ME1: variants seen among roughly 807,000 people sequenced by gnomAD.
ME1 encodes the protein malic enzyme 1, also known as NADP-dependent malic enzyme.
ME1 carries 74 observed loss-of-function variants against 66.4 expected under a neutral mutation model. The ratio of observed to expected loss-of-function variants is 1.11; its 90% confidence interval spans 0.92 to 1.35. The LOEUF (loss-of-function observed/expected upper bound fraction) is 1.35. Among genes scored for constraint, ME1 ranks in the 40% most tolerant of loss-of-function variants. The probability of loss-of-function intolerance (pLI) is 0.00; values close to 1 mark genes in which losing one functional copy is unlikely to be tolerated. For missense variants in ME1, 750 were observed against 694.1 expected (o/e 1.08, Z -0.90); for synonymous variants, 251 against 235.6 (o/e 1.07, Z -0.60).
intron 5 of ME1, among the ~76,000 whole-genome samples, chr6:83,317,934 G>A (rs1365519778): frequency 1.3e-5 from 2 of 151,978 alleles, no homozygotes; most frequent in African/African-American, 2.4e-5. Flanking sequence ...AAACAGCATG[G>A]TACTGGTACC....
chr6:83,363,575 GA>G (rs1051963086), intron 3 of ME1, among the ~76,000 whole-genome samples: 2 of 152,112 alleles, frequency 1.3e-5, no homozygotes, highest in Admixed American at 6.5e-5. Flanking sequence ...ACTCCACCAG[GA>G]AAAAAACTAC....
chr6:83,275,464 C>CTTT (rs767009219), intron 6 of ME1, among the ~76,000 whole-genome samples: 50 of 119,702 alleles, frequency 4.2e-4, no homozygotes, highest in Non-Finnish European at 5.4e-4. Flanking sequence ...TAGTTTTGAT[C>CTTT]TTTTTTTTTT....
At chr6:83,254,601 A>G (rs1389226940) in intron 6 of ME1, among the ~76,000 whole-genome samples, 1 of 152,166 alleles carries the variant, frequency 6.6e-6, no homozygotes, top group Non-Finnish European at 1.5e-5. Flanking sequence ...TCAATGGTAG[A>G]GAGAACATTA....
Position 83,236,989 on chromosome 6 carries a change from C to A in ME1, c.1026+728G>T, listed in dbSNP as rs1174463548. On this transcript the variant is annotated intron_variant, in intron 9 of 13. Transcript: ENST00000369705. ...CTGAGGCAGGAGGATCACTTGAGCT[C>A]AGGAGTTTGAGACCAGCTTGGGAAA... Among the ~76,000 whole-genome samples the A allele has an allele frequency of 2.0e-5, 3 of 151,138 alleles. No individual in the cohort carries two copies. The South Asian group carries it at 6.3e-4, about 32-fold the overall frequency.
intron 3 of ME1, among the ~76,000 whole-genome samples, chr6:83,395,861 A>G (rs1361590707): frequency 6.6e-6 from 1 of 152,112 alleles, no homozygotes; most frequent in Non-Finnish European, 1.5e-5. Context: ...AGGCATCCAT[A>G]TTAGAAAGGA....
intron 3 of ME1, among the ~76,000 whole-genome samples, chr6:83,361,073 C>T (rs747213065): frequency 7.2e-5 from 11 of 152,230 alleles, no homozygotes; most frequent in African/African-American, 1.7e-4. Context: ...GATCACTTTT[C>T]GCTCCTGCAA....
chr6:83,220,653 A>G (rs1790075390), intron 12 of ME1, among the ~76,000 whole-genome samples: 1 of 152,244 alleles, frequency 6.6e-6, no homozygotes, highest in African/African-American at 2.4e-5. Context: ...ACTACAAAAT[A>G]TAATCTAGAC....
chr6:83,294,373 C>A (rs1033813431), intron 6 of ME1, among the ~76,000 whole-genome samples: 3 of 152,132 alleles, frequency 2.0e-5, no homozygotes, highest in African/African-American at 7.2e-5. Flanking sequence ...TTACCTCAGC[C>A]CTCATTCAGC....
intron 6 of ME1, among the ~76,000 whole-genome samples, chr6:83,272,804 A>G (rs955642209): frequency 6.6e-6 from 1 of 152,166 alleles, no homozygotes; most frequent in Admixed American, 6.5e-5. Context: ...ATTTATATTG[A>G]TATTTATATG....
chr6:83,399,197 T>C (rs1769798675), intron 2 of ME1, among the ~76,000 whole-genome samples: 1 of 151,474 alleles, frequency 6.6e-6, no homozygotes. Context: ...AGTTTCACCA[T>C]GTTGGCCAGG....
intron 7 of ME1, among the ~76,000 whole-genome samples, chr6:83,243,103 A>T (rs895745415): frequency 3.2e-4 from 47 of 148,228 alleles, no homozygotes; most frequent in African/African-American, 6.7e-4. Context: ...CCCCCCAAAA[A>T]TTTTTTTTTT....
At position 83,211,894 on chromosome 6, in the gene ME1, T is replaced by C; in HGVS notation, c.*30A>G. 1 of 1,477,584 alleles carries C rather than the reference T, an allele frequency of 6.8e-7. No homozygotes were observed. The highest frequency in any genetic ancestry group is 9.1e-7 in the Non-Finnish European group (1 of 1,098,768). The allele number at this position is 1,477,584 out of a possible 1,614,324, so 91.5% of individuals were successfully genotyped here. A position where few individuals can be genotyped will look rare whatever the true frequency, so the allele number is the denominator to read the frequency against. ...AATTATGAAAGGTTTAAAGACCTCA[T>C]TAATAGAGTTAGAAATGTTTGCTAT... On this transcript the variant is annotated 3_prime_UTR_variant, in exon 14 of 14. Transcript: ENST00000369705.
intron 6 of ME1, among the ~76,000 whole-genome samples, chr6:83,264,199 C>A (rs1157960735): frequency 2.0e-5 from 3 of 152,142 alleles, no homozygotes; most frequent in African/African-American, 7.2e-5. Flanking sequence ...GCCTGGGTAA[C>A]AACATATCTG....
chr6:83,264,940 T>C (rs1291661339), intron 6 of ME1, among the ~76,000 whole-genome samples: 2 of 152,196 alleles, frequency 1.3e-5, no homozygotes, highest in South Asian at 4.1e-4. Context: ...GACTCCAATA[T>C]TGAAAGAAGT....
At chr6:83,261,933 G>C (rs1033682721) in intron 6 of ME1, among the ~76,000 whole-genome samples, 1 of 147,580 alleles carries the variant, frequency 6.8e-6, no homozygotes, top group Non-Finnish European at 1.5e-5. Context: ...AGAATCACTT[G>C]AACCCAGGTG....
intron 5 of ME1, among the ~76,000 whole-genome samples, chr6:83,327,330 C>T (rs939456361): frequency 6.6e-6 from 1 of 152,208 alleles, no homozygotes; most frequent in Non-Finnish European, 1.5e-5. Context: ...CATTGGTGAG[C>T]TGGGCAGAAC....
chr6:83,380,516 G>C (rs1473787622), intron 3 of ME1, among the ~76,000 whole-genome samples: 2 of 152,018 alleles, frequency 1.3e-5, no homozygotes, highest in Non-Finnish European at 2.9e-5. Context: ...TGGCAATGGG[G>C]ATTGAAAGGA....
chr6:83,244,983 C>T (rs1790591514), intron 7 of ME1, among the ~76,000 whole-genome samples: 1 of 152,224 alleles, frequency 6.6e-6, no homozygotes, highest in African/African-American at 2.4e-5. Flanking sequence ...ATTACATCAC[C>T]TGTGACCTAT....
chr6:83,211,295 T>C lies in ME1; in HGVS notation c.*629A>G, dbSNP rs570709244. 2.2e-4 allele frequency: 33 copies of C among 152,736 alleles called. No individual in the cohort carries two copies. The highest frequency in any genetic ancestry group is 1.8e-3 in the Admixed American group (28 of 15,292). 9.5% of individuals were successfully genotyped at this position (152,736 alleles called of 1,614,324 possible). On this transcript the variant is annotated 3_prime_UTR_variant, in exon 14 of 14. Coordinates refer to ENST00000369705, the MANE Select transcript of ME1 (RefSeq NM_002395.6). ...GACTCAGGATCAAGGTAATAAGAGC[T>C]TTACTCTATGAGATGTAACAATGAC...
Sources: gnomAD v4.1 joint callset for allele counts (sites outside exome capture counted in the v4.1 genomes callset) on GRCh38, gnomAD v4.1.1 for gene constraint, MANE v1.5 for transcripts, NCBI Gene and HGNC (gene_info 2026-07-23, HGNC 2026-07-21) for gene names.